The following ZHX3 variants were observed in gnomAD, a reference collection of about 807,000 sequenced individuals.
The protein encoded by ZHX3 is zinc fingers and homeoboxes 3, also known as zinc fingers and homeoboxes protein 3.
ZHX3 carries 20 observed loss-of-function variants against 64.5 expected under a neutral mutation model. That is an observed-to-expected ratio of 0.31 (90% CI 0.22 to 0.45). ZHX3 has a LOEUF of 0.45. Among genes scored for constraint, ZHX3 ranks in the 20% least tolerant of loss-of-function variants. The probability of loss-of-function intolerance (pLI) is 1.00; values close to 1 mark genes in which losing one functional copy is unlikely to be tolerated. For synonymous variants in ZHX3, 423 were observed against 461.6 expected (o/e 0.92, Z 1.07); for missense variants, 1,041 against 1,195.8 (o/e 0.87, Z 1.91).
chr20:41,248,944 G>C (rs537713507), intron 2 of ZHX3, among the ~76,000 whole-genome samples: 55 of 152,300 alleles, frequency 3.6e-4, no homozygotes, highest in Non-Finnish European at 6.9e-4. Flanking sequence ...TCAAGCAATG[G>C]GCGTAATTCC....
chr20:41,214,604 C>T (rs1383731750), intron 2 of ZHX3, among the ~76,000 whole-genome samples: 4 of 152,192 alleles, frequency 2.6e-5, no homozygotes, highest in African/African-American at 9.7e-5. Flanking sequence ...CACCCATATC[C>T]CCACCACCTG....
chr20:41,262,604 T>C (rs904374072), intron 2 of ZHX3, among the ~76,000 whole-genome samples: 2 of 152,250 alleles, frequency 1.3e-5, no homozygotes, highest in Non-Finnish European at 2.9e-5. Context: ...TTTGCCATTG[T>C]TGGCTGATTT....
chr20:41,211,638 T>G (rs1600793876), intron 2 of ZHX3, among the ~76,000 whole-genome samples: 2 of 152,322 alleles, frequency 1.3e-5, no homozygotes, highest in South Asian at 4.1e-4. Context: ...GTTATAAACC[T>G]TTTTGTTACA....
In ZHX3 at chr20:41,201,351, G is replaced by C; in HGVS notation, c.2860+706C>G. 3.1e-6 allele frequency: 4 copies of C among 1,304,772 alleles called. No individual in the cohort carries two copies. Among genetic ancestry groups the C allele is most frequent in the Non-Finnish European group, 4.0e-6 (4 of 989,082 alleles). The allele number at this position is 1,304,772 out of a possible 1,614,324, so 80.8% of individuals were successfully genotyped here. ...ACACAAATGTCAAAGGGTAAGGAGG[G>C]AAGGGAGAGGCTGGGAACTCAGTGA... On this transcript the variant is annotated intron_variant, in intron 3 of 3. Coordinates refer to ENST00000683867, the MANE Select transcript of ZHX3 (RefSeq NM_001384317.1). This position sits in a 1 kb window ranked among gnomAD's most constrained non-coding sequence, Gnocchi z 5.0.
chr20:41,226,563 G>C lies in ZHX3; in HGVS notation c.-150-21497C>G, dbSNP rs904872260. Among the ~76,000 whole-genome samples the C allele has an allele frequency of 6.6e-6, 1 of 151,906 alleles. No individual in the cohort carries two copies. Among genetic ancestry groups the C allele is most frequent in the Admixed American group, 6.6e-5 (1 of 15,256 alleles). On this transcript the variant is annotated intron_variant, in intron 2 of 3. Transcript: ENST00000683867. This position sits in a 1 kb window ranked among gnomAD's most constrained non-coding sequence, Gnocchi z 4.4. ...TTCTTTTGGGTATACACTTTTTCTT[G>C]TTTAAGCTCTCCACAATCCTATGAT...
intron 2 of ZHX3, among the ~76,000 whole-genome samples, chr20:41,260,397 A>G (rs1490151829): frequency 6.6e-6 from 1 of 152,208 alleles, no homozygotes; most frequent in Non-Finnish European, 1.5e-5. Flanking sequence ...AACTTTTACA[A>G]ACTGTTTTTA....
rs1451316514 is a variant in ZHX3, at chr20:41,203,918, C to T, written c.999G>A (p.Glu333=). 6.2e-7 allele frequency: 1 copy of T among 1,614,198 alleles called. No individual in the cohort carries two copies. The highest frequency in any genetic ancestry group is 1.7e-5 in the Admixed American group (1 of 60,024). ...FHKFPYPTKA[E]LCYLTVVTKY... The stretch of plus-strand genomic sequence containing the variant: ...TGGTCACCACAGTCAAATAGCAGAG[C>T]TCGGCTTTGGTGGGGTAGGGGAACT... The change falls in exon 3 of 4, where the codon GAG becomes GAA. Residue 333 remains glutamate (E), a synonymous_variant. Transcript: ENST00000683867. This position sits in a 1 kb window ranked among gnomAD's most constrained non-coding sequence, Gnocchi z 7.1.
At position 41,202,348 on chromosome 20, in the gene ZHX3, G is replaced by T; in HGVS notation, c.2569C>A (p.His857Asn). Residue 857 changes from histidine (H) to asparagine (N), a missense_variant, in exon 3 of 4, where the codon CAC becomes AAC. Coordinates refer to ENST00000683867, the MANE Select transcript of ZHX3 (RefSeq NM_001384317.1). The surrounding 1 kb of genome is among the most constrained non-coding windows in gnomAD (Gnocchi z 7.0). ...RELLQDYYMT[H>N]KMLYEEDLQN... ...AGGTCCTCTTCATACAGCATCTTGTGTGTCATGTAATAGTCCTGCAGGAGC... is the reference window on the plus strand; with the variant it reads ...AGGTCCTCTTCATACAGCATCTTGTTTGTCATGTAATAGTCCTGCAGGAGC... 1 of 1,614,182 alleles carries T rather than the reference G, an allele frequency of 6.2e-7. No individual in the cohort carries two copies. Among genetic ancestry groups the T allele is most frequent in the Non-Finnish European group, 8.5e-7 (1 of 1,180,026 alleles).
intron 3 of ZHX3, among the ~76,000 whole-genome samples, chr20:41,187,721 G>GT (rs1322784615): frequency 6.6e-6 from 1 of 152,058 alleles, no homozygotes; most frequent in African/African-American, 2.4e-5. Flanking sequence ...CTTCAACTTT[G>GT]TTTTTTCTCA....
chr20:41,234,081 A>C (rs1266220676), intron 2 of ZHX3, among the ~76,000 whole-genome samples: 1 of 152,214 alleles, frequency 6.6e-6, no homozygotes, highest in Non-Finnish European at 1.5e-5. Flanking sequence ...CTGACTAAGA[A>C]GCTTAGGAGG....
At chr20:41,274,053 C>T (rs559750764) in intron 1 of ZHX3, among the ~76,000 whole-genome samples, 6 of 152,206 alleles carry the variant, frequency 3.9e-5, no homozygotes, top group African/African-American at 1.4e-4. Context: ...CTGTCTGTAT[C>T]GCTATGGTAA....
At chr20:41,268,936 C>G (rs926960336) in intron 2 of ZHX3, 54 bp downstream of exon 2, 4 of 152,194 alleles carry the variant, frequency 2.6e-5, no homozygotes, top group Non-Finnish European at 4.4e-5. Flanking sequence ...TAGCAAGAAA[C>G]TTGTGAAAAC....
intron 2 of ZHX3, among the ~76,000 whole-genome samples, chr20:41,265,969 C>G (rs1027046815): frequency 6.6e-6 from 1 of 152,072 alleles, no homozygotes; most frequent in African/African-American, 2.4e-5. Flanking sequence ...AGACCCATGG[C>G]CACAACAGAA....
intron 2 of ZHX3, among the ~76,000 whole-genome samples, chr20:41,246,998 T>C (rs1284606298): frequency 6.6e-6 from 1 of 152,060 alleles, no homozygotes; most frequent in African/African-American, 2.4e-5. Flanking sequence ...TGGTGGCTCA[T>C]GCCTGTAATC....
intron 1 of ZHX3, among the ~76,000 whole-genome samples, chr20:41,314,351 C>G (rs1346180988): frequency 6.6e-6 from 1 of 152,086 alleles, no homozygotes; most frequent in Admixed American, 6.5e-5. Flanking sequence ...CTAGGCCATC[C>G]AAAAACTGAT....
chr20:41,280,860 A>C (rs1005098221), intron 1 of ZHX3, among the ~76,000 whole-genome samples: 3 of 152,144 alleles, frequency 2.0e-5, no homozygotes, highest in African/African-American at 7.2e-5. Flanking sequence ...GGATAAATCT[A>C]GATGATCCAA....
chr20:41,192,293 T>C (rs1041249288), intron 3 of ZHX3, among the ~76,000 whole-genome samples: 1 of 152,164 alleles, frequency 6.6e-6, no homozygotes, highest in African/African-American at 2.4e-5. Flanking sequence ...CTAGACTGTG[T>C]GCTCTGGCCA....
chr20:41,262,783 G>C (rs1409440076), intron 2 of ZHX3, among the ~76,000 whole-genome samples: 1 of 151,786 alleles, frequency 6.6e-6, no homozygotes, highest in Non-Finnish European at 1.5e-5. Context: ...CTGAGGCTCA[G>C]AAGAATTAAG....
At chr20:41,209,726 T>TA (rs2039011036) in intron 2 of ZHX3, among the ~76,000 whole-genome samples, 1 of 152,160 alleles carries the variant, frequency 6.6e-6, no homozygotes, top group African/African-American at 2.4e-5. Context: ...ATGTTAGACC[T>TA]AAAACCATAA....
Sources: gnomAD v4.1 joint callset for allele counts (sites outside exome capture counted in the v4.1 genomes callset) on GRCh38, gnomAD v4.1.1 for gene constraint, Gnocchi (gnomAD v3.1) non-coding constraint, MANE v1.5 for transcripts, NCBI Gene and HGNC (gene_info 2026-07-23, HGNC 2026-07-21) for gene names.